The following BCKDHB variants were observed in gnomAD, a reference collection of about 807,000 sequenced individuals.
BCKDHB encodes 2-oxoisovalerate dehydrogenase subunit beta, mitochondrial.
A neutral mutation model predicts 48.5 loss-of-function variants in BCKDHB; 41 were observed. The ratio of observed to expected loss-of-function variants is 0.85; its 90% CI spans 0.66 to 1.10. The LOEUF (loss-of-function observed/expected upper bound fraction) is 1.10. BCKDHB is among the 50% of genes least tolerant of loss of function. The probability of loss-of-function intolerance (pLI) is 0.00; values close to 1 mark genes in which losing one functional copy is unlikely to be tolerated. For missense variants in BCKDHB, 496 were observed against 494.2 expected, an observed-to-expected ratio of 1.00 and a Z score of -0.03; for synonymous variants, 201 against 174.8, an observed-to-expected ratio of 1.15 and a Z score of -1.18.
intron 5 of BCKDHB, among the ~76,000 whole-genome samples, chr6:80,169,461 TCTTA>T (rs568757582): frequency 4.9e-4 from 75 of 152,298 alleles, no homozygotes; most frequent in Admixed American, 2.0e-3. Flanking sequence ...TTAATGTATT[TCTTA>T]CTTGTTAAAA....
At chr6:80,404,771 T>C in the BCKDHB span, among the ~76,000 whole-genome samples, 1 of 152,088 alleles carries the variant, frequency 6.6e-6, no homozygotes. Flanking sequence ...TTTTTATTTG[T>C]CTCAAGATAT....
the BCKDHB span, among the ~76,000 whole-genome samples, chr6:80,370,253 G>A: frequency 2.0e-5 from 3 of 152,140 alleles, no homozygotes; most frequent in Admixed American, 6.5e-5. Flanking sequence ...CTATGTGGAG[G>A]AGAAAATGAT....
chr6:80,345,484 C>T lies in BCKDHB; in HGVS notation c.*1680C>T, dbSNP rs571600793. The T allele has an allele frequency of 5.9e-5, 9 of 152,316 alleles. No homozygotes were observed. Among genetic ancestry groups the T allele is most frequent in the South Asian group, 2.1e-4 (1 of 4,812 alleles). 9.4% of individuals were successfully genotyped at this position (152,316 alleles called of 1,614,324 possible). A position where few individuals can be genotyped will look rare whatever the true frequency, so the allele number is the denominator to read the frequency against. ...GCGGATAGAGAAGTTAACTCTCCCT[C>T]ATATGTCACTGTGCTACCATAATCC... On this transcript the variant is annotated 3_prime_UTR_variant, in exon 10 of 10. Coordinates refer to ENST00000320393, the MANE Select transcript of BCKDHB (RefSeq NM_183050.4).
chr6:80,403,151 T>C, the BCKDHB span, among the ~76,000 whole-genome samples: 1 of 151,872 alleles, frequency 6.6e-6, no homozygotes, highest in African/African-American at 2.4e-5. Context: ...AAGGCCATTG[T>C]AATTTTGATA....
chr6:80,163,251 CATT>C (rs1332875517), intron 3 of BCKDHB, among the ~76,000 whole-genome samples: 1 of 151,650 alleles, frequency 6.6e-6, no homozygotes, highest in Non-Finnish European at 1.5e-5. Flanking sequence ...TGTCACTACT[CATT>C]GTCTTCAATT....
intron 6 of BCKDHB, among the ~76,000 whole-genome samples, chr6:80,185,103 C>T (rs1773581991): frequency 6.6e-6 from 1 of 151,982 alleles, no homozygotes; most frequent in Admixed American, 6.6e-5. Context: ...TAACATAATC[C>T]CAAATTTCTT....
chr6:80,267,788 T>C (rs1179870665), intron 8 of BCKDHB, among the ~76,000 whole-genome samples: 1 of 152,144 alleles, frequency 6.6e-6, no homozygotes, highest in Non-Finnish European at 1.5e-5. Flanking sequence ...CCAGTGAGGA[T>C]GTACAAAAAT....
At chr6:80,432,570 C>G in the BCKDHB span, among the ~76,000 whole-genome samples, 6 of 152,086 alleles carry the variant, frequency 3.9e-5, no homozygotes, top group African/African-American at 1.4e-4. Context: ...TTCTAGTTAG[C>G]AATTGGTCTA....
At chr6:80,394,764 A>G in the BCKDHB span, among the ~76,000 whole-genome samples, 1 of 152,106 alleles carries the variant, frequency 6.6e-6, no homozygotes, top group Non-Finnish European at 1.5e-5. Flanking sequence ...TCCCTGCCTG[A>G]TATGGTTTGG....
chr6:80,218,517 TATGACACATAACAGTTTAGTGGGCTTGC>T (rs1399121526), intron 8 of BCKDHB, among the ~76,000 whole-genome samples: 1 of 152,244 alleles, frequency 6.6e-6, no homozygotes. Context: ...TATTCACCAC[TATGACACATAACAGTTTAGTGGGCTTGC>T]ATTCCCTGCT....
chr6:80,240,291 C>G (rs1776326573), intron 8 of BCKDHB, among the ~76,000 whole-genome samples: 1 of 152,012 alleles, frequency 6.6e-6, no homozygotes, highest in African/African-American at 2.4e-5. Flanking sequence ...ATGGAATGTT[C>G]TTCCATTTGT....
the BCKDHB span, among the ~76,000 whole-genome samples, chr6:80,360,084 A>G: frequency 2.6e-5 from 4 of 152,256 alleles, no homozygotes; most frequent in East Asian, 3.9e-4. Context: ...GTGGTTAGGG[A>G]TGACAAGACA....
chr6:80,237,588 C>G (rs1268793091), intron 8 of BCKDHB, among the ~76,000 whole-genome samples: 1 of 152,134 alleles, frequency 6.6e-6, no homozygotes, highest in Non-Finnish European at 1.5e-5. Context: ...TACCTTTTTA[C>G]TCTTCACAGT....
rs138369202 is a variant in BCKDHB at position 80,129,211 on chromosome 6, G to C, written c.325G>C (p.Gly109Arg). The C allele has an allele frequency of 1.3e-5, 21 of 1,611,022 alleles. No homozygotes were observed. The African/African-American group carries it at 2.8e-4, about 22-fold the overall frequency. ...AFGGVFRCTV[G>R]LRDKYGKDRV... Reference sequence around the variant, plus strand: ...TGGTGGAGTCTTTAGATGCACTGTTGGCTTGCGAGACAAATATGGTAAGTA... The same window carrying C: ...TGGTGGAGTCTTTAGATGCACTGTTCGCTTGCGAGACAAATATGGTAAGTA... The change falls in exon 3 of 10, where the codon GGC becomes CGC. Residue 109 changes from glycine (G) to arginine (R), a missense_variant. Gly to Arg is a moderately radical substitution (Grantham distance 125). Coordinates refer to ENST00000320393, the MANE Select transcript of BCKDHB (RefSeq NM_183050.4).
chr6:80,189,033 A>G (rs1480438239), intron 6 of BCKDHB, among the ~76,000 whole-genome samples: 3 of 152,200 alleles, frequency 2.0e-5, no homozygotes, highest in Non-Finnish European at 4.4e-5. Flanking sequence ...TTTTAAATCA[A>G]GCCATAATCT....
the BCKDHB span, among the ~76,000 whole-genome samples, chr6:80,423,243 A>C: frequency 1.3e-5 from 2 of 152,100 alleles, no homozygotes; most frequent in Admixed American, 1.3e-4. Context: ...CCTTAACCTT[A>C]CACCATGATT....
At chr6:80,423,286 A>AACT in the BCKDHB span, among the ~76,000 whole-genome samples, 1 of 152,148 alleles carries the variant, frequency 6.6e-6, no homozygotes, top group South Asian at 2.1e-4. Context: ...AGCCATGTGA[A>AACT]ACTGTGAGTC....
At chr6:80,222,379 A>G (rs984817942) in intron 8 of BCKDHB, among the ~76,000 whole-genome samples, 1 of 152,228 alleles carries the variant, frequency 6.6e-6, no homozygotes, top group Non-Finnish European at 1.5e-5. Flanking sequence ...CTCTAAAGCC[A>G]ATAAAGATCC....
intron 3 of BCKDHB, among the ~76,000 whole-genome samples, chr6:80,162,801 A>C (rs1772381929): frequency 2.6e-5 from 4 of 152,146 alleles, no homozygotes; most frequent in Admixed American, 2.6e-4. Context: ...CAGTGAGTGG[A>C]GATTGTGCCA....
Sources: gnomAD v4.1 joint callset for allele counts (sites outside exome capture counted in the v4.1 genomes callset) on GRCh38, gnomAD v4.1.1 for gene constraint, MANE v1.5 for transcripts, NCBI Gene and HGNC (gene_info 2026-07-23, HGNC 2026-07-21) for gene names.